Variants in JAK2 observed in about 807,000 individuals in gnomAD.
The protein encoded by JAK2 is tyrosine-protein kinase JAK2.
Under a neutral mutation model 139.3 loss-of-function variants are expected in JAK2, and 86 were observed. That is an observed-to-expected ratio of 0.62 (90% CI 0.52 to 0.74). The LOEUF (loss-of-function observed/expected upper bound fraction) is 0.74. JAK2 is among the 30% of genes least tolerant of loss of function. The pLI is 0.00. For missense variants in JAK2, 1,421 were observed against 1,360.3 expected, an observed-to-expected ratio of 1.04 and a Z score of -0.70; for synonymous variants, 490 against 437.7, an observed-to-expected ratio of 1.12 and a Z score of -1.49.
At chr9:5,107,267 T>C (rs1233423961) in intron 22 of JAK2, among the ~76,000 whole-genome samples, 1 of 152,068 alleles carries the variant, frequency 6.6e-6, no homozygotes, top group Non-Finnish European at 1.5e-5. Context: ...TTACTGGCCC[T>C]ACTACTACTA....
At position 5,054,931 on chromosome 9, in the gene JAK2, T is replaced by C. The variant is rs1817660938; in HGVS notation, c.936+47T>C. ...TTGTTCTTTGTTATTTTAAGTACAA[T>C]GGAAATAAAAACAAAGTAATTTTAA... On this transcript the variant is annotated intron_variant, in intron 7 of 24. Coordinates refer to ENST00000381652, the MANE Select transcript of JAK2 (RefSeq NM_004972.4). The surrounding 1 kb of genome is among the most constrained non-coding windows in gnomAD (Gnocchi z 4.9). The C allele has an allele frequency of 2.9e-6, 4 of 1,358,804 alleles. No homozygotes were observed. The highest frequency in any genetic ancestry group is 1.4e-5 in the South Asian group (1 of 69,728). 84.2% of individuals were successfully genotyped at this position (1,358,804 alleles called of 1,614,324 possible).
At chr9:5,072,194 A>G (rs1448140210) in intron 12 of JAK2, among the ~76,000 whole-genome samples, 1 of 152,188 alleles carries the variant, frequency 6.6e-6, no homozygotes, top group Non-Finnish European at 1.5e-5. Flanking sequence ...ATGTAAGCAA[A>G]TGTAGGTAAA....
intron 14 of JAK2, among the ~76,000 whole-genome samples, chr9:5,074,783 G>A (rs1480535744): frequency 1.3e-5 from 2 of 152,180 alleles, no homozygotes; most frequent in East Asian, 3.9e-4. Context: ...ACGCTGATGT[G>A]GAAGCTGCAG....
At chr9:5,002,472 A>G (rs1217041994) in intron 2 of JAK2, among the ~76,000 whole-genome samples, 1 of 151,940 alleles carries the variant, frequency 6.6e-6, no homozygotes, top group Non-Finnish European at 1.5e-5. Flanking sequence ...TTCTAATTCA[A>G]TTTTGCTATG....
chr9:5,069,256 T>C (rs758853923), intron 11 of JAK2, 48 bp downstream of exon 11: 4 of 1,320,352 alleles, frequency 3.0e-6, no homozygotes, highest in Middle Eastern at 2.0e-4. Flanking sequence ...ATGGATTGTT[T>C]ATGTGGCGTG....
chr9:5,031,942 G>C (rs1318767298), intron 4 of JAK2, among the ~76,000 whole-genome samples: 1 of 152,240 alleles, frequency 6.6e-6, no homozygotes, highest in Non-Finnish European at 1.5e-5. Flanking sequence ...CACTGAGCAT[G>C]AGCCGAAGCA....
intron 4 of JAK2, among the ~76,000 whole-genome samples, chr9:5,043,073 C>T (rs1816731346): frequency 6.6e-6 from 1 of 152,188 alleles, no homozygotes. Context: ...TGTCTCTGTG[C>T]TCCGCCCCCT....
chr9:5,117,209 T>C (rs954213944), intron 22 of JAK2, among the ~76,000 whole-genome samples: 1 of 152,246 alleles, frequency 6.6e-6, no homozygotes. Context: ...GAGAAATAAA[T>C]TTCTGTTCTT....
At chr9:5,075,803 G>C (rs1417566303) in intron 14 of JAK2, among the ~76,000 whole-genome samples, 2 of 152,140 alleles carry the variant, frequency 1.3e-5, no homozygotes, top group African/African-American at 4.8e-5. Flanking sequence ...ATTTTGTAAG[G>C]CTAAGCTGCC....
In JAK2 at chr9:5,123,106, T is replaced by G. The variant is rs1823738719; in HGVS notation, c.3162T>G (p.Ser1054Arg). ...LYELFTYIEKSKSPPAEFMRM... is the reference protein window; with the variant it reads ...LYELFTYIEKRKSPPAEFMRM... The stretch of plus-strand genomic sequence containing the variant: ...AACTTTTCACATACATTGAGAAGAG[T>G]AAAAGTCCACCAGCGGTCAGTGTGC... Residue 1054 changes from serine to arginine, a missense_variant, in exon 23 of 25, where the codon AGT becomes AGG. By Grantham distance (110) the Ser-to-Arg change is moderately radical (BLOSUM62 -1). Coordinates refer to ENST00000381652, the MANE Select transcript of JAK2 (RefSeq NM_004972.4). The G allele has an allele frequency of 6.3e-7, 1 of 1,599,572 alleles. No homozygotes were observed. Among genetic ancestry groups the G allele is most frequent in the Middle Eastern group, 1.7e-4 (1 of 6,022 alleles).
chr9:5,061,471 G>A (rs1056422393), intron 8 of JAK2, among the ~76,000 whole-genome samples: 3 of 152,156 alleles, frequency 2.0e-5, no homozygotes, highest in Non-Finnish European at 4.4e-5. Flanking sequence ...TTGCACTTAT[G>A]CTGTGCACAT....
At chr9:5,044,811 A>G (rs1320717100) in intron 5 of JAK2, among the ~76,000 whole-genome samples, 1 of 152,198 alleles carries the variant, frequency 6.6e-6, no homozygotes, top group Non-Finnish European at 1.5e-5. Flanking sequence ...ACTGAGGTTT[A>G]CAACATGATT....
chr9:5,113,718 C>G (rs896963028), intron 22 of JAK2: 1 of 165,800 alleles, frequency 6.0e-6, no homozygotes, highest in Admixed American at 6.5e-5. Flanking sequence ...ACCTTCCCAG[C>G]CACCACCCTC....
At chr9:5,035,536 T>A (rs1027809190) in intron 4 of JAK2, among the ~76,000 whole-genome samples, 8 of 152,154 alleles carry the variant, frequency 5.3e-5, no homozygotes, top group African/African-American at 1.9e-4. Flanking sequence ...TTATCCACCA[T>A]GATCAAGTGG....
At chr9:5,096,522 A>T (rs1053579480) in intron 22 of JAK2, 11 of 152,208 alleles carry the variant, frequency 7.2e-5, no homozygotes, top group African/African-American at 2.7e-4. Flanking sequence ...AGGCCGGAGA[A>T]GCCCTGGCAG....
rs1446018491 is a variant in JAK2, at chr9:4,991,196, CA to C, written c.-26+5177del. Among the ~76,000 whole-genome samples the C allele has an allele frequency of 9.2e-5, 14 of 152,232 alleles. No homozygotes were observed. In the East Asian group the frequency reaches 2.5e-3, roughly 27 times the overall value. Reference sequence around the variant, plus strand: ...ATGAAATTAGGGGTACTGGAAAGAACAAAGAGAAGCATTATTTATTTTGAAG... The same window carrying C: ...ATGAAATTAGGGGTACTGGAAAGAACAAGAGAAGCATTATTTATTTTGAAG... On this transcript the variant is annotated intron_variant, in intron 2 of 24. Transcript: ENST00000381652.
chr9:5,093,340 CAT>C lies in JAK2; in HGVS notation c.3059+2432_3059+2433del, dbSNP rs1393293469. Among the ~76,000 whole-genome samples the C allele has an allele frequency of 5.9e-5, 9 of 152,268 alleles. No individual in the cohort carries two copies. In the East Asian group the frequency reaches 1.7e-3, roughly 29 times the overall value. On this transcript the variant is annotated intron_variant, in intron 22 of 24. Transcript: ENST00000381652. ...ATTAGAGGCACTGCCTGCCCAGTGA[CAT>C]ATGTTCAACGACCACCATATCCTGA...
chr9:5,119,526 G>T (rs895786716), intron 22 of JAK2, among the ~76,000 whole-genome samples: 3 of 151,878 alleles, frequency 2.0e-5, no homozygotes, highest in African/African-American at 7.3e-5. Context: ...AGCTGAAGAT[G>T]ATATATATAT....
intron 22 of JAK2, among the ~76,000 whole-genome samples, chr9:5,115,127 T>C (rs926167176): frequency 6.6e-6 from 1 of 152,096 alleles, no homozygotes; most frequent in Non-Finnish European, 1.5e-5. Flanking sequence ...GTGAACAGGC[T>C]ACCTACAGAA....
Sources: allele counts gnomAD v4.1 joint callset (sites outside exome capture counted in the v4.1 genomes callset), GRCh38; gene constraint gnomAD v4.1.1; non-coding constraint Gnocchi (gnomAD v3.1); transcripts MANE v1.5; gene names NCBI Gene and HGNC (gene_info 2026-07-23, HGNC 2026-07-21).